Variants in SP100 observed in about 807,000 individuals in gnomAD.
The protein encoded by SP100 is SP100 nuclear body protein.
In SP100, 84 loss-of-function variants were observed where a neutral mutation model predicts 130.0. The ratio of observed to expected loss-of-function variants is 0.65; its 90% CI spans 0.54 to 0.77. The LOEUF is 0.77. Ranked by LOEUF, SP100 falls within the 30% of genes least tolerant of loss-of-function variation. The pLI is 0.00. For synonymous variants in SP100, 331 were observed against 351.7 expected (o/e 0.94, Z 0.66); for missense variants, 978 against 1,052.2 (o/e 0.93, Z 0.97).
At chr2:230,485,598 C>CAAAAA (rs2066042135) in intron 17 of SP100, among the ~76,000 whole-genome samples, 2 of 152,122 alleles carry the variant, frequency 1.3e-5, no homozygotes, top group African/African-American at 4.8e-5. Flanking sequence ...ATAATTTCTA[C>CAAAAA]TTTCTTAAAA....
intron 24 of SP100, chr2:230,539,027 G>T: frequency 5.9e-6 from 2 of 337,050 alleles, no homozygotes; most frequent in South Asian, 5.5e-5. Flanking sequence ...TCCTATTTTT[G>T]TCACTAGTCA....
chr2:230,469,858 C>T (rs1256302835), intron 14 of SP100, 157 bp from the exon 15 acceptor site: 3 of 1,508,224 alleles, frequency 2.0e-6, no homozygotes, highest in South Asian at 2.5e-5. Flanking sequence ...TCTTGACCAA[C>T]AGGTCAGATG....
chr2:230,457,178 C>T (rs1007108617), intron 8 of SP100, among the ~76,000 whole-genome samples: 1 of 152,182 alleles, frequency 6.6e-6, no homozygotes, highest in Non-Finnish European at 1.5e-5. Context: ...AACCAGTGGG[C>T]AGGTCTGTGC....
chr2:230,474,419 T>C lies in SP100; in HGVS notation c.1572T>C (p.Ser524=). Residue 524 remains serine, a synonymous_variant, in exon 17 of 29, where the codon TCT becomes TCC. Coordinates refer to ENST00000340126, the MANE Select transcript of SP100 (RefSeq NM_001080391.2). ...MMDTMDVENN[S]TLEKHSGKRR... is the part of the protein sequence containing the mutation. ...ATACCATGGATGTTGAAAACAATTC[T>C]ACTTTGGAAAAACACAGTGGGAAAA... The C allele has an allele frequency of 6.5e-7, 1 of 1,540,022 alleles. No homozygotes were observed. The highest frequency in any genetic ancestry group is 8.9e-7 in the Non-Finnish European group (1 of 1,118,432).
intron 21 of SP100, 59 bp from the exon 22 acceptor site, chr2:230,506,244 G>A: frequency 1.9e-6 from 3 of 1,594,058 alleles, no homozygotes; most frequent in Non-Finnish European, 2.6e-6. Context: ...CCAGCATGGG[G>A]GGAGGCCAAG....
intron 18 of SP100, among the ~76,000 whole-genome samples, chr2:230,496,318 A>G (rs898817859): frequency 2.6e-5 from 4 of 152,216 alleles, no homozygotes; most frequent in African/African-American, 4.8e-5. Context: ...TAGCGGTAAT[A>G]TCTCATTTAA....
Position 230,501,390 on chromosome 2 carries a change from G to A in SP100, c.1721-1676G>A, listed in dbSNP as rs559423748. On this transcript the variant is annotated intron_variant, in intron 19 of 28. Coordinates refer to ENST00000340126, the MANE Select transcript of SP100 (RefSeq NM_001080391.2). The stretch of plus-strand genomic sequence containing the variant: ...ACTTCCTAAGGGCAACATCTTGTGC[G>A]GTAGAGCATGCTTTTTCTCAGGATA... Among the ~76,000 whole-genome samples, 17 of 152,270 alleles carry A rather than the reference G, an allele frequency of 1.1e-4. No individual in the cohort carries two copies. In the South Asian group the frequency reaches 1.4e-3, roughly 13 times the overall value.
intron 15 of SP100, chr2:230,470,548 G>T: frequency 2.8e-6 from 1 of 358,152 alleles, no homozygotes; most frequent in Non-Finnish European, 3.9e-6. Flanking sequence ...ATAGTTTTTG[G>T]TAGATGTCCT....
chr2:230,435,813 A>C (rs2063246481), intron 2 of SP100, among the ~76,000 whole-genome samples: 1 of 152,146 alleles, frequency 6.6e-6, no homozygotes. Context: ...GAGAACATGC[A>C]GTCAGCACTA....
chr2:230,467,352 CAAAG>C (rs1254403012), intron 13 of SP100, 137 bp downstream of exon 13: 2 of 656,064 alleles, frequency 3.0e-6, no homozygotes, highest in African/African-American at 3.6e-5. Context: ...TTGAAAAATG[CAAAG>C]AAAGAAGTCA....
At chr2:230,463,210 T>C (rs1005851919) in intron 10 of SP100, among the ~76,000 whole-genome samples, 10 of 152,190 alleles carry the variant, frequency 6.6e-5, no homozygotes, top group Admixed American at 1.3e-4. Flanking sequence ...AATCTCATGG[T>C]AAATTAAAGG....
intron 24 of SP100, among the ~76,000 whole-genome samples, chr2:230,521,866 C>T (rs1691186233): frequency 6.6e-6 from 1 of 152,194 alleles, no homozygotes; most frequent in African/African-American, 2.4e-5. Context: ...TTTGAAATTC[C>T]ACATCTGCAT....
In SP100 at chr2:230,542,468, T is replaced by C. The variant is rs113035347; in HGVS notation, c.2548-368T>C. The stretch of plus-strand genomic sequence containing the variant: ...TTCCTGGCACTATTTCAGAAATTAA[T>C]AAGGATTATGTCAAGGGGTGAGAGT... On this transcript the variant is annotated intron_variant, in intron 28 of 28. Coordinates refer to ENST00000340126, the MANE Select transcript of SP100 (RefSeq NM_001080391.2). Among the ~76,000 whole-genome samples the C allele has an allele frequency of 8.7e-3, 1,324 of 152,266 alleles. 19 individuals are homozygous for C. The highest frequency in any genetic ancestry group is 0.03 in the African/African-American group (1,252 of 41,548).
At chr2:230,469,874 AG>A (rs1442592142) in intron 14 of SP100, 140 bp from the exon 15 acceptor site, 9 of 1,513,150 alleles carry the variant, frequency 5.9e-6, no homozygotes, top group African/African-American at 1.4e-5. Flanking sequence ...AGATGATCAA[AG>A]CCAAAGGGTG....
At chr2:230,497,144 T>C (rs1439130842) in intron 18 of SP100, among the ~76,000 whole-genome samples, 1 of 152,050 alleles carries the variant, frequency 6.6e-6, no homozygotes, top group Non-Finnish European at 1.5e-5. Context: ...ACAAAGGAAG[T>C]CCCAAGAGCT....
chr2:230,525,488 C>T (rs774286869), intron 24 of SP100, among the ~76,000 whole-genome samples: 19 of 152,102 alleles, frequency 1.2e-4, no homozygotes, highest in South Asian at 4.2e-4. Context: ...CAGCTCCCAG[C>T]GAGACTGAAG....
intron 28 of SP100, among the ~76,000 whole-genome samples, chr2:230,542,251 T>C (rs576576057): frequency 1.3e-5 from 2 of 152,332 alleles, no homozygotes; most frequent in South Asian, 2.1e-4. Flanking sequence ...TGGTCCTATA[T>C]ATAACCTCAG....
At chr2:230,511,222 C>T in intron 24 of SP100, 56 bp downstream of exon 24, 1 of 1,172,374 alleles carries the variant, frequency 8.5e-7, no homozygotes, top group Admixed American at 1.7e-5. Context: ...TCTCCAGGCA[C>T]ACTATGTCAT....
chr2:230,505,988 G>GCTCA (rs1690063395), intron 21 of SP100, among the ~76,000 whole-genome samples: 1 of 152,158 alleles, frequency 6.6e-6, no homozygotes. Flanking sequence ...GAAGAATTCT[G>GCTCA]CTCATTCTTT....
Sources: gnomAD v4.1 joint callset for allele counts (sites outside exome capture counted in the v4.1 genomes callset) on GRCh38, gnomAD v4.1.1 for gene constraint, MANE v1.5 for transcripts, NCBI Gene and HGNC (gene_info 2026-07-23, HGNC 2026-07-21) for gene names.